SLC12A3: variants seen among roughly 807,000 people sequenced by gnomAD.
SLC12A3 encodes solute carrier family 12 member 3, also known as Na-Cl cotransporter.
Under a neutral mutation model 121.0 loss-of-function variants are expected in SLC12A3, and 104 were observed. That is an observed-to-expected ratio of 0.86 (90% CI 0.73 to 1.01). The LOEUF is 1.01. Ranked by LOEUF, SLC12A3 falls within the 50% of genes least tolerant of loss-of-function variation. SLC12A3 has a pLI of 0.00. For missense variants in SLC12A3, 1,328 were observed against 1,356.3 expected, an observed-to-expected ratio of 0.98 and a Z score of 0.33; for synonymous variants, 536 against 533.4, an observed-to-expected ratio of 1.00 and a Z score of -0.07.
Position 56,879,080 on chromosome 16 carries a change from C to T in SLC12A3, c.1188C>T (p.Cys396=), listed in dbSNP as rs747139582. ...TCTCCTTCCTCCTCTCAGGCTCCTG[C>T]GTGGTGCGTGATGCCTCTGGGGTCC... ...YLAISATIGS[C]VVRDASGVLN... The change falls in exon 10 of 26, where the codon TGC becomes TGT. Residue 396 remains cysteine, a synonymous_variant. Coordinates refer to ENST00000563236, the MANE Select transcript of SLC12A3 (RefSeq NM_001126108.2). 4 of 1,609,834 alleles carry T rather than the reference C, an allele frequency of 2.5e-6. No homozygotes were observed. Among genetic ancestry groups the T allele is most frequent in the African/African-American group, 2.7e-5 (2 of 74,858 alleles).
Position 56,913,710 on chromosome 16 carries a change from T to A in SLC12A3, c.*305T>A, listed in dbSNP as rs1355548950. 1 of 407,586 alleles carries A rather than the reference T, an allele frequency of 2.5e-6. No individual in the cohort carries two copies. The highest frequency in any genetic ancestry group is 2.0e-5 in the African/African-American group (1 of 48,940). The allele number at this position is 407,586 out of a possible 1,614,324, so 25.2% of individuals were successfully genotyped here. ...GATTTTGATGACCATTAATTAAGAG[T>A]TCAGTCTTTGATTTGTATGCAAATT... is the stretch of plus-strand genomic sequence containing the variant. On this transcript the variant is annotated 3_prime_UTR_variant, in exon 26 of 26. Transcript: ENST00000563236.
At position 56,904,401 on chromosome 16, in the gene SLC12A3, C is replaced by A. The variant is rs559626481; in HGVS notation, c.2863C>A (p.Arg955=). The A allele has an allele frequency of 1.5e-5, 25 of 1,613,834 alleles. No homozygotes were observed. In the Admixed American group the frequency reaches 2.3e-4, roughly 15 times the overall value. Residue 955 remains arginine (R), a synonymous_variant, in exon 25 of 26, where the codon CGG becomes AGG. Coordinates refer to ENST00000563236, the MANE Select transcript of SLC12A3 (RefSeq NM_001126108.2). ...TCGGCTTTCTCCCGCCCAGTCCCTT[C>A]GGCAGGTGAGGCTGAATGAGATTGT... The part of the protein sequence containing the change: ...EITKNRVKSL[R]QVRLNEIVLD...
intron 11 of SLC12A3, 25 bp downstream of exon 11, chr16:56,879,674 A>G (rs753174114): frequency 6.4e-7 from 1 of 1,567,386 alleles, no homozygotes; most frequent in South Asian, 1.1e-5. Context: ...AGGGGTCGAG[A>G]TGACAGGGGG....
chr16:56,870,014 C>T, intron 4 of SLC12A3, 82 bp from the exon 5 acceptor site: 2 of 1,569,190 alleles, frequency 1.3e-6, no homozygotes, highest in South Asian at 2.2e-5. Context: ...TGTGGCCACC[C>T]TCTCCTGGCC....
chr16:56,872,018 C>A (rs2055103701), intron 6 of SLC12A3, among the ~76,000 whole-genome samples: 1 of 150,426 alleles, frequency 6.6e-6, no homozygotes, highest in Non-Finnish European at 1.5e-5. Flanking sequence ...CCACTGTTTC[C>A]GGCCTGTATT....
intron 13 of SLC12A3, among the ~76,000 whole-genome samples, chr16:56,883,516 A>G (rs1242065490): frequency 2.0e-5 from 3 of 151,838 alleles, no homozygotes; most frequent in Admixed American, 6.6e-5. Context: ...TCCTGACCTC[A>G]TGATCCGCCC....
chr16:56,870,871 G>A (rs1308980071), intron 6 of SLC12A3, 135 bp downstream of exon 6: 8 of 610,440 alleles, frequency 1.3e-5, no homozygotes, highest in Middle Eastern at 4.4e-4. Flanking sequence ...AATCTCGCTC[G>A]ATGTCCATGC....
chr16:56,912,981 C>T (rs1049171545), intron 25 of SLC12A3, among the ~76,000 whole-genome samples: 1 of 151,814 alleles, frequency 6.6e-6, no homozygotes, highest in African/African-American at 2.4e-5. Context: ...CACAGGGCAT[C>T]GGGGGTGAGC....
rs1321342555 is a variant in SLC12A3 at position 56,867,241 on chromosome 16, G to A, written c.429+25G>A. 4 of 1,590,636 alleles carry A rather than the reference G, an allele frequency of 2.5e-6. No homozygotes were observed. The Admixed American group carries it at 7.3e-5, about 29-fold the overall frequency. On this transcript the variant is annotated intron_variant, in intron 2 of 25. Transcript: ENST00000563236. The stretch of plus-strand genomic sequence containing the variant: ...GGTGAGTGGGGTGTGGGTGGTGCGT[G>A]ATGTCCAGAAATGGGGGTGGGGTGG...
chr16:56,877,944 G>A, intron 8 of SLC12A3, 133 bp from the exon 9 acceptor site: 1 of 630,358 alleles, frequency 1.6e-6, no homozygotes, highest in Middle Eastern at 4.3e-4. Context: ...AAGGTCAGAG[G>A]TTGCTGCCCC....
intron 8 of SLC12A3, among the ~76,000 whole-genome samples, chr16:56,873,956 C>G (rs1228721535): frequency 1.3e-5 from 2 of 151,928 alleles, no homozygotes; most frequent in Non-Finnish European, 2.9e-5. Context: ...AAGTGATCCA[C>G]CCGATTTGTC....
chr16:56,894,717 A>G, intron 22 of SLC12A3, 75 bp downstream of exon 22: 1 of 1,128,702 alleles, frequency 8.9e-7, no homozygotes, highest in East Asian at 2.4e-5. Flanking sequence ...GCTGTCCCCT[A>G]CCCTAGATCC....
At chr16:56,912,973 C>T (rs1329703551) in intron 25 of SLC12A3, among the ~76,000 whole-genome samples, 1 of 152,050 alleles carries the variant, frequency 6.6e-6, no homozygotes, top group African/African-American at 2.4e-5. Context: ...AAGAAAGCCA[C>T]AGGGCATCGG....
Position 56,879,549 on chromosome 16 carries a change from G to A in SLC12A3, c.1343G>A (p.Ser448Asn). The change falls in exon 11 of 26, where the codon AGC becomes AAC. Residue 448 changes from serine to asparagine, a missense_variant. Coordinates refer to ENST00000563236, the MANE Select transcript of SLC12A3 (RefSeq NM_001126108.2). ...AGCCCCAAATCCCCACAGACCATGA[G>A]CATGGTGTCAGGCTTCGCGCCCCTG... ...YGLINYYQTM[S>N]MVSGFAPLIT... The A allele has an allele frequency of 6.2e-7, 1 of 1,612,894 alleles. No individual in the cohort carries two copies. Among genetic ancestry groups the A allele is most frequent in the Non-Finnish European group, 8.5e-7 (1 of 1,179,176 alleles).
At chr16:56,879,358 G>T in intron 10 of SLC12A3, 131 bp downstream of exon 10, 1 of 1,276,674 alleles carries the variant, frequency 7.8e-7, no homozygotes, top group Non-Finnish European at 1.1e-6. Context: ...GGAGAGAGGG[G>T]TTCAGAGCCC....
At chr16:56,897,279 A>G (rs1179527588) in intron 22 of SLC12A3, among the ~76,000 whole-genome samples, 1 of 152,126 alleles carries the variant, frequency 6.6e-6, no homozygotes, top group Non-Finnish European at 1.5e-5. Flanking sequence ...GAGGATACAG[A>G]CAGATGGGGC....
rs1555500199 is a variant in SLC12A3 at position 56,878,047 on chromosome 16, CCTCCCTCCCTCT to C, written c.1096-18_1096-7del. On this transcript the variant is annotated intron_variant, in intron 8 of 25. Transcript: ENST00000563236. ...CCCTCCCTCCCTCTCTCCCTCCCTC[CCTCCCTCCCTCT>C]CTCCCTCCCTCCTTCAGGACCCTGC... is the stretch of plus-strand genomic sequence containing the variant. The C allele has an allele frequency of 6.0e-6, 4 of 661,354 alleles. No homozygotes were observed. Among genetic ancestry groups the C allele is most frequent in the South Asian group, 3.3e-5 (2 of 61,252 alleles). The allele number at this position is 661,354 out of a possible 1,614,324, so 41.0% of individuals were successfully genotyped here.
At chr16:56,867,262 G>T in intron 2 of SLC12A3, 46 bp downstream of exon 2, 3 of 1,562,790 alleles carry the variant, frequency 1.9e-6, no homozygotes, top group Non-Finnish European at 1.7e-6. Context: ...ATGGGGGTGG[G>T]GTGGCAGAGC....
intron 8 of SLC12A3, among the ~76,000 whole-genome samples, chr16:56,872,992 G>A (rs1398591157): frequency 1.3e-5 from 2 of 152,212 alleles, no homozygotes; most frequent in South Asian, 4.1e-4. Flanking sequence ...TGCGTTCTAG[G>A]CTTGAGGGAC....
Sources: gnomAD v4.1 joint callset for allele counts (sites outside exome capture counted in the v4.1 genomes callset) on GRCh38, gnomAD v4.1.1 for gene constraint, MANE v1.5 for transcripts, NCBI Gene and HGNC (gene_info 2026-07-23, HGNC 2026-07-21) for gene names.